Variants in KCNQ5 observed in about 807,000 individuals in gnomAD.
KCNQ5 encodes potassium voltage-gated channel subfamily KQT member 5.
In KCNQ5, 30 loss-of-function variants were observed where a neutral mutation model predicts 98.2. The ratio of observed to expected loss-of-function variants is 0.31; its 90% confidence interval spans 0.23 to 0.41. KCNQ5 has a LOEUF of 0.41. KCNQ5 is among the 10% of genes least tolerant of loss of function. KCNQ5 has a pLI of 1.00. For missense variants in KCNQ5, 835 were observed against 1,182.5 expected, an observed-to-expected ratio of 0.71 and a Z score of 4.31; for synonymous variants, 458 against 449.4, an observed-to-expected ratio of 1.02 and a Z score of -0.24.
intron 3 of KCNQ5, among the ~76,000 whole-genome samples, chr6:73,063,767 AATAG>A (rs766457623): frequency 4.9e-4 from 69 of 140,336 alleles, no homozygotes; most frequent in Admixed American, 3.0e-3. Flanking sequence ...AGATAGATAT[AATAG>A]ATCTACACAT....
chr6:73,123,399 G>C (rs1358550651), intron 8 of KCNQ5, among the ~76,000 whole-genome samples: 1 of 152,032 alleles, frequency 6.6e-6, no homozygotes, highest in Non-Finnish European at 1.5e-5. Context: ...TTGTTCCCCA[G>C]TTTTAAAGAC....
At chr6:73,180,774 A>G (rs145655668) in intron 11 of KCNQ5, among the ~76,000 whole-genome samples, 107 of 152,318 alleles carry the variant, frequency 7.0e-4, no homozygotes, top group African/African-American at 2.5e-3. Flanking sequence ...GTGATTCCAA[A>G]GAGCAGCCAA....
chr6:73,111,609 G>A (rs1196106289), intron 7 of KCNQ5, among the ~76,000 whole-genome samples: 3 of 152,160 alleles, frequency 2.0e-5, no homozygotes, highest in Non-Finnish European at 4.4e-5. Context: ...TGTATTTTTA[G>A]CAAATGGTCC....
In KCNQ5 at chr6:73,041,923, T is replaced by C; in HGVS notation, c.490-13T>C. ...TAATGCTTCTCTCTGATATGTCTTATCTGATATTTTAGGAGTTCGTGATGA... is the reference window on the plus strand; with the variant it reads ...TAATGCTTCTCTCTGATATGTCTTACCTGATATTTTAGGAGTTCGTGATGA... On this transcript the variant is annotated splice_polypyrimidine_tract_variant and intron_variant, in intron 2 of 13. Transcript: ENST00000370398. 3 of 1,613,774 alleles carry C rather than the reference T, an allele frequency of 1.9e-6. No individual in the cohort carries two copies. The highest frequency in any genetic ancestry group is 1.7e-6 in the Non-Finnish European group (2 of 1,179,666).
chr6:72,759,971 A>G (rs1353246946), intron 1 of KCNQ5, among the ~76,000 whole-genome samples: 6 of 152,076 alleles, frequency 3.9e-5, no homozygotes, highest in African/African-American at 1.2e-4. Flanking sequence ...AAGATGTGCA[A>G]ATGAGACAAC....
At chr6:73,124,804 A>T (rs1775881840) in intron 9 of KCNQ5, among the ~76,000 whole-genome samples, 1 of 151,626 alleles carries the variant, frequency 6.6e-6, no homozygotes, top group African/African-American at 2.4e-5. Flanking sequence ...GTTTTCCCAG[A>T]CAGAAGTCTT....
chr6:72,911,465 C>G (rs1289380746), intron 1 of KCNQ5, among the ~76,000 whole-genome samples: 1 of 152,108 alleles, frequency 6.6e-6, no homozygotes, highest in African/African-American at 2.4e-5. Flanking sequence ...TCCTCTAGAA[C>G]TGTGAGAAGT....
intron 1 of KCNQ5, among the ~76,000 whole-genome samples, chr6:72,663,513 C>T (rs1051230108): frequency 3.3e-5 from 5 of 152,130 alleles, no homozygotes; most frequent in Admixed American, 6.5e-5. Flanking sequence ...GGAAGTCACA[C>T]TTCTCTAAAA....
intron 3 of KCNQ5, among the ~76,000 whole-genome samples, chr6:73,043,673 G>C (rs1771822770): frequency 2.0e-5 from 3 of 152,182 alleles, no homozygotes; most frequent in Admixed American, 2.0e-4. Flanking sequence ...ACTTCTACAG[G>C]ATAAGGTCAG....
Position 73,187,343 on chromosome 6 carries a change from G to A in KCNQ5, c.1578-3230G>A, listed in dbSNP as rs899398702. Among the ~76,000 whole-genome samples the A allele has an allele frequency of 5.3e-5, 8 of 152,222 alleles. No individual in the cohort carries two copies. The East Asian group carries it at 1.5e-3, about 29-fold the overall frequency. On this transcript the variant is annotated intron_variant, in intron 11 of 13. Transcript: ENST00000370398. ...CAAAGTGCTAGGATTACAGGCGTGAGCCACCACGCCCGGCCTAATAACCAC... is the reference window on the plus strand; with the variant it reads ...CAAAGTGCTAGGATTACAGGCGTGAACCACCACGCCCGGCCTAATAACCAC...
intron 1 of KCNQ5, among the ~76,000 whole-genome samples, chr6:72,957,929 T>C (rs1405562290): frequency 1.3e-5 from 2 of 152,164 alleles, no homozygotes; most frequent in Non-Finnish European, 2.9e-5. Flanking sequence ...TGTTAAGTCT[T>C]ACAAATTATA....
intron 2 of KCNQ5, among the ~76,000 whole-genome samples, chr6:73,032,075 G>A (rs917412046): frequency 7.9e-5 from 12 of 152,158 alleles, no homozygotes; most frequent in Non-Finnish European, 1.5e-4. Context: ...TCAATCCACA[G>A]GACAAATATC....
chr6:72,808,430 G>A (rs1022530909), intron 1 of KCNQ5, among the ~76,000 whole-genome samples: 4 of 152,152 alleles, frequency 2.6e-5, no homozygotes, highest in Admixed American at 6.6e-5. Context: ...TTCTGTGCAA[G>A]AGGGTGCACA....
At chr6:72,813,293 T>C (rs1282312117) in intron 1 of KCNQ5, among the ~76,000 whole-genome samples, 7 of 152,224 alleles carry the variant, frequency 4.6e-5, no homozygotes, top group South Asian at 4.1e-4. Flanking sequence ...CCTAAGAATA[T>C]GTTAGGCCAC....
chr6:72,809,948 A>G (rs1490631917), intron 1 of KCNQ5, among the ~76,000 whole-genome samples: 1 of 152,202 alleles, frequency 6.6e-6, no homozygotes, highest in Non-Finnish European at 1.5e-5. Context: ...TTTTAGAGGC[A>G]CATGTCACAG....
chr6:73,127,558 A>G (rs1324279005), intron 9 of KCNQ5, among the ~76,000 whole-genome samples: 2 of 152,230 alleles, frequency 1.3e-5, no homozygotes, highest in Non-Finnish European at 2.9e-5. Flanking sequence ...TCATACACAG[A>G]GAGGCTTTTC....
intron 1 of KCNQ5, among the ~76,000 whole-genome samples, chr6:72,798,933 T>C (rs11969811): frequency 0.011 from 1,705 of 152,150 alleles, 26 homozygotes; most frequent in African/African-American, 0.038. Context: ...TGAATGCATA[T>C]ATATGTATAT....
intron 1 of KCNQ5, among the ~76,000 whole-genome samples, chr6:72,801,198 G>A (rs1304901184): frequency 2.6e-4 from 39 of 149,382 alleles, no homozygotes; most frequent in Non-Finnish European, 3.9e-4. Flanking sequence ...TTTCTGTCTC[G>A]TTGATCTGTC....
chr6:72,742,565 G>C, intron 1 of KCNQ5, among the ~76,000 whole-genome samples: 1 of 152,042 alleles, frequency 6.6e-6, no homozygotes, highest in Non-Finnish European at 1.5e-5. Flanking sequence ...ACTGATATCT[G>C]GTTAACTGTT....
Sources: allele counts gnomAD v4.1 joint callset (sites outside exome capture counted in the v4.1 genomes callset), GRCh38; gene constraint gnomAD v4.1.1; transcripts MANE v1.5; gene names NCBI Gene and HGNC (gene_info 2026-07-23, HGNC 2026-07-21).